The following NFX1 variants were observed in gnomAD, a reference collection of about 807,000 sequenced individuals.
The protein encoded by NFX1 is nuclear transcription factor, X-box binding 1, also known as transcriptional repressor NF-X1.
A neutral mutation model predicts 137.2 loss-of-function variants in NFX1; 69 were observed. The ratio of observed to expected loss-of-function variants is 0.50; its 90% confidence interval spans 0.41 to 0.61. NFX1 has a LOEUF of 0.61. Ranked by LOEUF, NFX1 falls within the 20% of genes least tolerant of loss-of-function variation. The probability of loss-of-function intolerance (pLI) is 0.00; values close to 1 mark genes in which losing one functional copy is unlikely to be tolerated. For missense variants in NFX1, 1,167 were observed against 1,391.0 expected (o/e 0.84, Z 2.56); for synonymous variants, 495 against 474.1 (o/e 1.04, Z -0.57).
intron 9 of NFX1, among the ~76,000 whole-genome samples, chr9:33,322,962 C>T (rs1366790835): frequency 2.0e-5 from 3 of 152,228 alleles, no homozygotes; most frequent in Admixed American, 2.0e-4. Context: ...ACAGCAAAGA[C>T]TATTCCTTCC....
At chr9:33,357,547 A>G (rs1366721870) in intron 19 of NFX1, among the ~76,000 whole-genome samples, 1 of 151,508 alleles carries the variant, frequency 6.6e-6, no homozygotes, top group Non-Finnish European at 1.5e-5. Context: ...GTATTTATTT[A>G]TTGAGATAGG....
intron 11 of NFX1, among the ~76,000 whole-genome samples, chr9:33,333,266 C>T (rs1422551610): frequency 6.6e-6 from 1 of 152,152 alleles, no homozygotes; most frequent in Non-Finnish European, 1.5e-5. Context: ...AGAAAGAAAG[C>T]TGTATTGGTT....
At chr9:33,304,531 A>G (rs1018972075) in intron 4 of NFX1, among the ~76,000 whole-genome samples, 2 of 152,186 alleles carry the variant, frequency 1.3e-5, no homozygotes, top group African/African-American at 4.8e-5. Context: ...TCAACTCTGA[A>G]TCTTCTAGAT....
At chr9:33,327,028 TA>T (rs1047840222) in intron 9 of NFX1, among the ~76,000 whole-genome samples, 45 of 152,086 alleles carry the variant, frequency 3.0e-4, no homozygotes, top group African/African-American at 1.1e-3. Flanking sequence ...AATTACACTA[TA>T]AAAAATATTG....
At chr9:33,311,736 A>G (rs1022084997) in intron 6 of NFX1, among the ~76,000 whole-genome samples, 28 of 152,166 alleles carry the variant, frequency 1.8e-4, no homozygotes, top group African/African-American at 6.8e-4. Flanking sequence ...TATTTTTAGT[A>G]GAGATGGGAT....
chr9:33,313,369 G>A (rs1822034106), intron 6 of NFX1, among the ~76,000 whole-genome samples: 1 of 151,872 alleles, frequency 6.6e-6, no homozygotes, highest in African/African-American at 2.4e-5. Flanking sequence ...CAGGAGGATC[G>A]CTTAAGCCTA....
chr9:33,309,700 T>C (rs970085018), intron 5 of NFX1, among the ~76,000 whole-genome samples: 3 of 152,204 alleles, frequency 2.0e-5, no homozygotes, highest in Non-Finnish European at 2.9e-5. Flanking sequence ...CTATCGTAGC[T>C]CACTGCACCC....
At position 33,354,853 on chromosome 9, in the gene NFX1, T is replaced by A; in HGVS notation, c.2834T>A (p.Leu945Gln). Residue 945 changes from leucine (L) to glutamine (Q), a missense_variant and splice_region_variant, in exon 19 of 24, where the codon CTG (leucine) becomes CAG (glutamine). This residue lies in a region of NFX1 where 312 missense variants were observed against 312.8 expected (regional missense o/e 1.00). Transcript: ENST00000379540. The stretch of plus-strand genomic sequence containing the variant: ...TTTTTTTTCATTTGCTTATCAAGGC[T>A]GGAGTGTGATGAGGAGTGTTCAGCC... ...ITKKEVHQAR[L>Q]ECDEECSALE... 1 of 1,613,794 alleles carries A rather than the reference T, an allele frequency of 6.2e-7. No individual in the cohort carries two copies.
rs1476085099 is a variant in NFX1, at chr9:33,298,857, A to G, written c.1034-2406A>G. Among the ~76,000 whole-genome samples, 4 of 152,314 alleles carry G rather than the reference A, an allele frequency of 2.6e-5. No homozygotes were observed. The East Asian group carries it at 5.8e-4, about 22-fold the overall frequency. On this transcript the variant is annotated intron_variant, in intron 2 of 23. Transcript: ENST00000379540. ...AGGCAACAGGACAAGTTAGGAGGCT[A>G]TTGCAGTTGTTCAGGTAGGAGATGA...
chr9:33,340,780 C>A (rs1265281917), intron 12 of NFX1, among the ~76,000 whole-genome samples: 1 of 152,184 alleles, frequency 6.6e-6, no homozygotes, highest in African/African-American at 2.4e-5. Flanking sequence ...GTTCAAAGTT[C>A]CACAGATCTC....
At chr9:33,308,004 C>G (rs1283651743) in intron 5 of NFX1, among the ~76,000 whole-genome samples, 1 of 151,754 alleles carries the variant, frequency 6.6e-6, no homozygotes, top group African/African-American at 2.4e-5. Flanking sequence ...GGGGTTTTGC[C>G]GTGTTGCCCA....
At chr9:33,347,657 A>ATAAATCCAGCAGTACCG in intron 15 of NFX1, 1 of 406,050 alleles carries the variant, frequency 2.5e-6, no homozygotes, top group Non-Finnish European at 4.9e-6. Flanking sequence ...TTACCGTTTG[A>ATAAATCCAGCAGTACCG]TCCAGCAGTC....
intron 2 of NFX1, among the ~76,000 whole-genome samples, chr9:33,298,502 A>T (rs943762070): frequency 6.6e-6 from 1 of 152,170 alleles, no homozygotes; most frequent in African/African-American, 2.4e-5. Flanking sequence ...TAGGGTCTGG[A>T]TGTGGTGGCT....
At position 33,307,198 on chromosome 9, in the gene NFX1, G is replaced by A. The variant is rs770937775; in HGVS notation, c.1275G>A (p.Lys425=). The A allele has an allele frequency of 1.2e-6, 2 of 1,613,982 alleles. No individual in the cohort carries two copies. The highest frequency in any genetic ancestry group is 1.1e-5 in the South Asian group (1 of 91,066). Residue 425 remains lysine (K), a synonymous_variant, in exon 5 of 24, where the codon AAG becomes AAA. Transcript: ENST00000379540. ...CTCTGATCTGATATGTTCTAGGCAA[G>A]GTAAAGAATCCTGAGTGGAGCAGAA... ...VPNTYTCFCG[K]VKNPEWSRNE... is the part of the protein sequence containing the mutation.
At chr9:33,300,065 A>G (rs79989223) in intron 2 of NFX1, among the ~76,000 whole-genome samples, 1 of 100,276 alleles carries the variant, frequency 1.0e-5, no homozygotes, top group African/African-American at 4.6e-5. Flanking sequence ...ATGTTATAGC[A>G]TTTTTTTTTT....
At chr9:33,355,010 T>A in intron 19 of NFX1, 118 bp downstream of exon 19, 1 of 935,578 alleles carries the variant, frequency 1.1e-6, no homozygotes, top group Non-Finnish European at 1.6e-6. Flanking sequence ...TTTACCGTTA[T>A]CAAAGAGCAA....
At position 33,332,480 on chromosome 9, in the gene NFX1, A is replaced by G. The variant is rs766885247; in HGVS notation, c.2013A>G (p.Pro671=). The G allele has an allele frequency of 4.4e-6, 7 of 1,589,378 alleles. No homozygotes were observed. The South Asian group carries it at 4.5e-5, about 10-fold the overall frequency. The change falls in exon 11 of 24, where the codon CCA becomes CCG. Residue 671 remains proline, a synonymous_variant. Coordinates refer to ENST00000379540, the MANE Select transcript of NFX1 (RefSeq NM_002504.6). ...TTTTTCTTTTTCCATAGGAGCTTCCATGTACCAGTCTCAAAAGTGAAGGTA... is the reference window on the plus strand; with the variant it reads ...TTTTTCTTTTTCCATAGGAGCTTCCGTGTACCAGTCTCAAAAGTGAAGGTA... ...CRCSFRTKEL[P]CTSLKSEDAT...
intron 1 of NFX1, among the ~76,000 whole-genome samples, chr9:33,290,892 T>C (rs531387710): frequency 1.3e-4 from 20 of 152,378 alleles, no homozygotes; most frequent in African/African-American, 4.8e-4. Context: ...AGCGGCGCAC[T>C]GACCTTCGAC....
chr9:33,323,479 G>T (rs937465785), intron 9 of NFX1, among the ~76,000 whole-genome samples: 1 of 152,174 alleles, frequency 6.6e-6, no homozygotes, highest in African/African-American at 2.4e-5. Flanking sequence ...ACTGGGCCAG[G>T]CATGGTGGCT....
Sources: gnomAD v4.1 joint callset for allele counts (sites outside exome capture counted in the v4.1 genomes callset) on GRCh38, gnomAD v4.1.1 for gene constraint, gnomAD v4.1.1 regional missense constraint, MANE v1.5 for transcripts, NCBI Gene and HGNC (gene_info 2026-07-23, HGNC 2026-07-21) for gene names.